Variants in SYBU observed in about 807,000 individuals in gnomAD.
SYBU encodes the protein GOLSYN A protein.
Under a neutral mutation model 35.9 loss-of-function variants are expected in SYBU, and 21 were observed. The ratio of observed to expected loss-of-function variants is 0.58; its 90% CI spans 0.41 to 0.84. The LOEUF is 0.84. SYBU is among the 40% of genes least tolerant of loss of function. The pLI is 0.00. For missense variants in SYBU, 768 were observed against 848.2 expected (o/e 0.91, Z 1.17); for synonymous variants, 319 against 324.3 (o/e 0.98, Z 0.18).
intron 2 of SYBU, among the ~76,000 whole-genome samples, chr8:109,625,002 G>A (rs779613457): frequency 3.9e-5 from 6 of 152,160 alleles, no homozygotes; most frequent in Non-Finnish European, 8.8e-5. Context: ...TGGGTTAAAT[G>A]ATACCAGGGA....
At chr8:109,589,665 G>A (rs965845694) in intron 3 of SYBU, among the ~76,000 whole-genome samples, 8 of 152,114 alleles carry the variant, frequency 5.3e-5, no homozygotes, top group East Asian at 3.9e-4. Flanking sequence ...GATAATAAGC[G>A]TTCTGTGCAT....
intron 1 of SYBU, among the ~76,000 whole-genome samples, chr8:109,689,960 C>A (rs1817609244): frequency 6.6e-6 from 1 of 151,782 alleles, no homozygotes; most frequent in Non-Finnish European, 1.5e-5. Flanking sequence ...AGTTTTGGAC[C>A]CATTTTTTGT....
chr8:109,637,786 G>A (rs888891419), intron 2 of SYBU, among the ~76,000 whole-genome samples: 20 of 152,142 alleles, frequency 1.3e-4, no homozygotes, highest in Admixed American at 3.3e-4. Flanking sequence ...TTTTGGAGGC[G>A]TTGTCATGCC....
chr8:109,683,349 A>G (rs1242659911), upstream of SYBU, among the ~76,000 whole-genome samples: 1 of 152,248 alleles, frequency 6.6e-6, no homozygotes, highest in Non-Finnish European at 1.5e-5. Context: ...GATGTGAGAC[A>G]TGAAGTCAAA....
At chr8:109,689,232 G>A (rs1817589578) in intron 1 of SYBU, among the ~76,000 whole-genome samples, 2 of 152,052 alleles carry the variant, frequency 1.3e-5, no homozygotes, top group South Asian at 2.1e-4. Context: ...TTCCCCAACG[G>A]TTATATCATA....
chr8:109,576,041 T>C, intron 6 of SYBU, 28 bp from the exon 7 acceptor site: 1 of 754,108 alleles, frequency 1.3e-6, no homozygotes, highest in Non-Finnish European at 1.7e-6. Context: ...GCATGGTTAA[T>C]TAAAAAAAAA....
At chr8:109,579,391 C>A (rs1822747102) in intron 5 of SYBU, among the ~76,000 whole-genome samples, 1 of 152,214 alleles carries the variant, frequency 6.6e-6, no homozygotes, top group Non-Finnish European at 1.5e-5. Flanking sequence ...ACCCCTGTAG[C>A]AACAGGTGCC....
intron 3 of SYBU, among the ~76,000 whole-genome samples, chr8:109,594,978 G>A (rs747422374): frequency 2.0e-5 from 3 of 152,138 alleles, no homozygotes; most frequent in Admixed American, 6.5e-5. Context: ...TATGAAAGGA[G>A]AATAATAATA....
intron 2 of SYBU, among the ~76,000 whole-genome samples, chr8:109,631,403 ACATTCC>A (rs1272737188): frequency 6.6e-6 from 1 of 152,206 alleles, no homozygotes; most frequent in Non-Finnish European, 1.5e-5. Context: ...TCACGGATAA[ACATTCC>A]CAGGATTTCT....
intron 2 of SYBU, among the ~76,000 whole-genome samples, chr8:109,640,122 A>G (rs1814690278): frequency 6.6e-6 from 1 of 152,170 alleles, no homozygotes; most frequent in African/African-American, 2.4e-5. Context: ...GGTTGTTCAG[A>G]GACACCCATA....
intron 1 of SYBU, among the ~76,000 whole-genome samples, chr8:109,663,509 C>T (rs548907483): frequency 6.6e-5 from 10 of 152,110 alleles, no homozygotes; most frequent in Admixed American, 6.5e-4. Context: ...ATCAATTAGG[C>T]TTTGGAAACT....
chr8:109,671,555 C>T (rs938343892), intron 1 of SYBU, among the ~76,000 whole-genome samples: 2 of 152,216 alleles, frequency 1.3e-5, no homozygotes, highest in Non-Finnish European at 2.9e-5. Flanking sequence ...ATTAGGCCAA[C>T]AGCACCTTAC....
chr8:109,645,654 T>C, upstream of SYBU: 1 of 287,096 alleles, frequency 3.5e-6, no homozygotes, highest in Non-Finnish European at 6.9e-6. Flanking sequence ...TTTCCGTTGC[T>C]GTTGAAACGG....
At position 109,580,201 on chromosome 8, in the gene SYBU, A is replaced by G. The variant is rs1822863345; in HGVS notation, c.531-199T>C. On this transcript the variant is annotated intron_variant, in intron 4 of 6. Coordinates refer to ENST00000276646, the MANE Select transcript of SYBU (RefSeq NM_001099754.2). ...TCTCCTTGTGACATCAGCACAAGCAACCTCTCCCTCTGTTGTTCTTTCAAA... is the reference window on the plus strand; with the variant it reads ...TCTCCTTGTGACATCAGCACAAGCAGCCTCTCCCTCTGTTGTTCTTTCAAA... 7.0e-6 allele frequency: 4 copies of G among 570,320 alleles called. No homozygotes were observed. The Admixed American group carries it at 1.2e-4, about 17-fold the overall frequency. The allele number at this position is 570,320 out of a possible 1,614,324, so 35.3% of individuals were successfully genotyped here. A position where few individuals can be genotyped will look rare whatever the true frequency, so the allele number is the denominator to read the frequency against.
intron 3 of SYBU, among the ~76,000 whole-genome samples, chr8:109,593,517 G>A (rs1824522250): frequency 6.6e-6 from 1 of 152,228 alleles, no homozygotes; most frequent in Non-Finnish European, 1.5e-5. Context: ...CCAAACTCAT[G>A]TACACAAATG....
At chr8:109,642,972 C>A (rs372685684) in intron 1 of SYBU, 40 bp from the exon 2 acceptor site, 3 of 1,451,694 alleles carry the variant, frequency 2.1e-6, no homozygotes, top group Admixed American at 2.6e-5. Flanking sequence ...AAAGGAAACG[C>A]GTTTCCCTCT....
intron 1 of SYBU, among the ~76,000 whole-genome samples, chr8:109,688,197 G>A (rs1051327983): frequency 6.6e-6 from 1 of 152,088 alleles, no homozygotes; most frequent in African/African-American, 2.4e-5. Flanking sequence ...TATTTCATAG[G>A]TGGGCATTAT....
rs760684468 is a variant in SYBU, at chr8:109,577,832, G to T, written c.884+36C>A. ...ATTTCATTTTATGGAGAAAGAAGTT[G>T]TCCTACACCCCACCGTTCAAGGAAG... On this transcript the variant is annotated intron_variant, in intron 6 of 6. Coordinates refer to ENST00000276646, the MANE Select transcript of SYBU (RefSeq NM_001099754.2). 1.9e-6 allele frequency: 3 copies of T among 1,579,492 alleles called. No homozygotes were observed. The East Asian group carries it at 6.8e-5, about 36-fold the overall frequency.
upstream of SYBU, among the ~76,000 whole-genome samples, chr8:109,649,766 G>A (rs1816041458): frequency 6.6e-6 from 1 of 152,174 alleles, no homozygotes; most frequent in African/African-American, 2.4e-5. Context: ...ACAAAATGGG[G>A]ACACATTGTT....
Sources: gnomAD v4.1 joint callset for allele counts (sites outside exome capture counted in the v4.1 genomes callset) on GRCh38, gnomAD v4.1.1 for gene constraint, MANE v1.5 for transcripts, NCBI Gene and HGNC (gene_info 2026-07-23, HGNC 2026-07-21) for gene names.